Variants in ABL2 observed in about 807,000 individuals in gnomAD.
ABL2 encodes ABL proto-oncogene 2, non-receptor tyrosine kinase, also known as tyrosine-protein kinase ABL2.
In ABL2, 49 loss-of-function variants were observed where a neutral mutation model predicts 107.7. The ratio of observed to expected loss-of-function variants is 0.45; its 90% CI spans 0.36 to 0.58. The LOEUF (loss-of-function observed/expected upper bound fraction) is 0.58, where lower values mean the gene tolerates loss of function less well. ABL2 is among the 20% of genes least tolerant of loss of function. ABL2 has a pLI of 0.00. For synonymous variants in ABL2, 549 were observed against 548.6 expected (o/e 1.00, Z -0.01); for missense variants, 1,245 against 1,457.0 (o/e 0.85, Z 2.37).
intron 1 of ABL2, among the ~76,000 whole-genome samples, chr1:179,174,294 A>T (rs1454409597): frequency 1.3e-5 from 2 of 150,830 alleles, no homozygotes; most frequent in Non-Finnish European, 3.0e-5. Flanking sequence ...TCTCCAATAA[A>T]AAAAAAAAAA....
At chr1:179,227,046 C>CA (rs1251077032) in intron 1 of ABL2, among the ~76,000 whole-genome samples, 1 of 152,160 alleles carries the variant, frequency 6.6e-6, no homozygotes, top group African/African-American at 2.4e-5. Flanking sequence ...CCACTGCCAC[C>CA]ACTCAAGGCC....
intron 4 of ABL2, among the ~76,000 whole-genome samples, chr1:179,123,640 T>G (rs1221800825): frequency 6.6e-6 from 1 of 152,192 alleles, no homozygotes; most frequent in East Asian, 1.9e-4. Flanking sequence ...TTTTTATGTA[T>G]TTTTGAGAAA....
chr1:179,183,266 C>CT (rs1190616847), intron 1 of ABL2, among the ~76,000 whole-genome samples: 1 of 152,064 alleles, frequency 6.6e-6, no homozygotes, highest in African/African-American at 2.4e-5. Flanking sequence ...TTACTTAATG[C>CT]GTACAACTTA....
chr1:179,226,411 C>T (rs559390229), intron 1 of ABL2, among the ~76,000 whole-genome samples: 1 of 150,270 alleles, frequency 6.7e-6, no homozygotes, highest in East Asian at 2.0e-4. Flanking sequence ...CGGGTTCAAG[C>T]GATTCTCCTG....
At chr1:179,166,984 A>T (rs1386559673) in intron 1 of ABL2, among the ~76,000 whole-genome samples, 1 of 152,150 alleles carries the variant, frequency 6.6e-6, no homozygotes, top group African/African-American at 2.4e-5. Context: ...TACTATGAAA[A>T]ACAGTTGGAG....
intron 1 of ABL2, among the ~76,000 whole-genome samples, chr1:179,205,033 T>C (rs1319367608): frequency 1.3e-5 from 2 of 150,430 alleles, no homozygotes; most frequent in Non-Finnish European, 3.0e-5. Context: ...CTTTTTCTTT[T>C]TTTTTTTTTT....
At chr1:179,147,581 G>A (rs997202855) in intron 1 of ABL2, among the ~76,000 whole-genome samples, 2 of 152,216 alleles carry the variant, frequency 1.3e-5, no homozygotes, top group African/African-American at 2.4e-5. Context: ...GGTTGGAACT[G>A]GAGGTCGTTA....
intron 2 of ABL2, 59 bp downstream of exon 2, chr1:179,133,253 T>A (rs1296541848): frequency 6.2e-7 from 1 of 1,607,700 alleles, no homozygotes; most frequent in African/African-American, 1.3e-5. Flanking sequence ...CCATTCCCTG[T>A]TCTCCATCTC....
intron 2 of ABL2, 75 bp downstream of exon 2, chr1:179,133,237 T>G: frequency 6.3e-7 from 1 of 1,589,830 alleles, no homozygotes; most frequent in Non-Finnish European, 8.6e-7. Context: ...CCATTTATTT[T>G]CAAATCCATT....
chr1:179,103,306 G>C lies in ABL2; in HGVS notation c.*4412C>G, dbSNP rs1033664401. ...GATAAATGACAGAGGTGATTCTTAC[G>C]TATCTACATTTTCAGGTACCCCACA... is the stretch of plus-strand genomic sequence containing the variant. On this transcript the variant is annotated 3_prime_UTR_variant, in exon 12 of 12. Coordinates refer to ENST00000502732, the MANE Select transcript of ABL2 (RefSeq NM_007314.4). 1 of 206,626 alleles carries C rather than the reference G, an allele frequency of 4.8e-6. No homozygotes were observed. Among genetic ancestry groups the C allele is most frequent in the Non-Finnish European group, 9.9e-6 (1 of 101,294 alleles). 12.8% of individuals were successfully genotyped at this position (206,626 alleles called of 1,614,324 possible). A position where few individuals can be genotyped will look rare whatever the true frequency, so the allele number is the denominator to read the frequency against.
At chr1:179,132,218 C>T (rs1465142086) in intron 2 of ABL2, among the ~76,000 whole-genome samples, 1 of 152,116 alleles carries the variant, frequency 6.6e-6, no homozygotes, top group African/African-American at 2.4e-5. Context: ...GCCTAGAAAA[C>T]ATTACTATCA....
intron 1 of ABL2, among the ~76,000 whole-genome samples, chr1:179,222,898 G>A (rs1662953604): frequency 6.6e-6 from 1 of 151,696 alleles, no homozygotes; most frequent in African/African-American, 2.4e-5. Flanking sequence ...ATCATTTGAG[G>A]CCAGGAGTTC....
chr1:179,123,715 G>A (rs1189160665), intron 4 of ABL2, among the ~76,000 whole-genome samples: 3 of 152,070 alleles, frequency 2.0e-5, no homozygotes, highest in African/African-American at 7.2e-5. Context: ...CTGCAGCCTT[G>A]ACCTCCCAGG....
chr1:179,218,033 G>T (rs1662670647), intron 1 of ABL2, among the ~76,000 whole-genome samples: 1 of 152,040 alleles, frequency 6.6e-6, no homozygotes, highest in South Asian at 2.1e-4. Flanking sequence ...AGTTTTAAAA[G>T]AAAAAACAGA....
intron 1 of ABL2, among the ~76,000 whole-genome samples, chr1:179,159,594 T>C (rs767116180): frequency 2.6e-5 from 4 of 152,192 alleles, no homozygotes; most frequent in Non-Finnish European, 5.9e-5. Context: ...GCAACTGTCA[T>C]TACCTTGAAG....
chr1:179,191,009 C>T (rs1334117182), intron 1 of ABL2, among the ~76,000 whole-genome samples: 2 of 152,306 alleles, frequency 1.3e-5, no homozygotes, highest in East Asian at 3.9e-4. Context: ...GATCCAGCCA[C>T]TTCCCACTTC....
Position 179,165,799 on chromosome 1 carries a change from A to AT in ABL2, c.158-32426dup, listed in dbSNP as rs34798552. The stretch of plus-strand genomic sequence containing the variant: ...TAATCCCAGCCAGACACAAGACTTT[A>AT]TTTTTTTTTTTTCCAGACGGAGTTT... On this transcript the variant is annotated intron_variant, in intron 1 of 11. Transcript: ENST00000502732. Among the ~76,000 whole-genome samples, 135 of 146,546 alleles carry AT rather than the reference A, an allele frequency of 9.2e-4. 1 individual carries two copies. Among genetic ancestry groups the AT allele is most frequent in the South Asian group, 4.1e-3 (19 of 4,624 alleles).
intron 1 of ABL2, among the ~76,000 whole-genome samples, chr1:179,151,086 T>C (rs1263923483): frequency 6.6e-6 from 1 of 152,170 alleles, no homozygotes; most frequent in African/African-American, 2.4e-5. Context: ...ACGACTTTTA[T>C]ATGCACTGGG....
In ABL2 at chr1:179,108,916, G is replaced by A. The variant is rs1481454775; in HGVS notation, c.2351C>T (p.Thr784Ile). The change falls in exon 12 of 12, where the codon ACA (threonine) becomes ATA (isoleucine). Residue 784 changes from threonine (T) to isoleucine (I), a missense_variant. By Grantham distance (89) the Thr-to-Ile change is moderately conservative. Around this residue, in one of 3 missense-constraint regions of ABL2, gnomAD observed 761 missense variants for 766.4 expected, o/e 0.99. Coordinates refer to ENST00000502732, the MANE Select transcript of ABL2 (RefSeq NM_007314.4). ...TSKPFPRSNS[T>I]SSMSSGLPEQ... ...TGGAAGCCCTGAGGACATGGAAGAT[G>A]TAGAGTTTGACCTTGGAAAAGGCTT... 6.2e-7 allele frequency: 1 copy of A among 1,614,074 alleles called. No individual in the cohort carries two copies. The highest frequency in any genetic ancestry group is 8.5e-7 in the Non-Finnish European group (1 of 1,180,046).
Sources: allele counts gnomAD v4.1 joint callset (sites outside exome capture counted in the v4.1 genomes callset), GRCh38; gene constraint gnomAD v4.1.1; regional missense constraint gnomAD v4.1.1; transcripts MANE v1.5; gene names NCBI Gene and HGNC (gene_info 2026-07-23, HGNC 2026-07-21).